The following KPNA7 variants were observed in gnomAD, a reference collection of about 807,000 sequenced individuals.
The protein encoded by KPNA7 is importin subunit alpha-8.
In KPNA7, 54 loss-of-function variants were observed where a neutral mutation model predicts 53.7. The observed-to-expected ratio is 1.01, with a 90% confidence interval of 0.81 to 1.26. The LOEUF (loss-of-function observed/expected upper bound fraction) is 1.26, where lower values mean the gene tolerates loss of function less well. Among genes scored for constraint, KPNA7 ranks in the 50% most tolerant of loss-of-function variants. The pLI is 0.00. For missense variants in KPNA7, 640 were observed against 644.5 expected (o/e 0.99, Z 0.07); for synonymous variants, 276 against 259.3 (o/e 1.06, Z -0.62).
At chr7:99,152,077 G>A in the KPNA7 span, among the ~76,000 whole-genome samples, 11 of 152,054 alleles carry the variant, frequency 7.2e-5, no homozygotes, top group Admixed American at 1.3e-4. Context: ...CCAGCTACTC[G>A]GGAAGCTGAG....
chr7:99,173,582 G>T lies in KPNA7; in HGVS notation c.*126C>A, dbSNP rs747908012. 3 of 599,844 alleles carry T rather than the reference G, an allele frequency of 5.0e-6. No individual in the cohort carries two copies. Among genetic ancestry groups the T allele is most frequent in the Non-Finnish European group, 8.8e-6 (3 of 340,682 alleles). The allele number at this position is 599,844 out of a possible 1,614,324, so 37.2% of individuals were successfully genotyped here. On this transcript the variant is annotated 3_prime_UTR_variant, in exon 11 of 11. Transcript: ENST00000327442. ...TCAGATAGAGAAACGTGAAAGTGTT[G>T]AACATTTTATTAATGTCAAGTTTTA...
At chr7:99,213,275 C>CTA (rs1791122609) in intron 1 of KPNA7, among the ~76,000 whole-genome samples, 2 of 151,444 alleles carry the variant, frequency 1.3e-5, no homozygotes, top group East Asian at 3.9e-4. Context: ...TAAAGGCTCA[C>CTA]ACCACCACAC....
intron 4 of KPNA7, 100 bp from the exon 5 acceptor site, chr7:99,195,438 C>T (rs73401379): frequency 0.078 from 91,586 of 1,166,984 alleles, 3,993 homozygotes; most frequent in South Asian, 0.13. Context: ...CCTGTAATCT[C>T]AGCACTTTGG....
Position 99,218,622 on chromosome 7 carries a change from T to G in KPNA7, c.-23-11133A>C, listed in dbSNP as rs562837056. 3.3e-5 allele frequency among the ~76,000 whole-genome samples: 5 copies of G among 152,272 alleles called. No homozygotes were observed. The East Asian group carries it at 9.7e-4, about 29-fold the overall frequency. ...CCCTGCACCTACCACTTCCTCCTTA[T>G]CCACCCTCAAAAACAAGCCAAAGAC... On this transcript the variant is annotated intron_variant, in intron 1 of 10. Coordinates refer to the KPNA7 transcript ENST00000681060.
chr7:99,200,175 T>G (rs1790438678), intron 3 of KPNA7, among the ~76,000 whole-genome samples: 1 of 152,184 alleles, frequency 6.6e-6, no homozygotes, highest in African/African-American at 2.4e-5. Flanking sequence ...TATGCTGGGA[T>G]TATAGGCATG....
chr7:99,181,876 G>A lies in KPNA7; in HGVS notation c.1317+7C>T, dbSNP rs199885456. 9.4e-4 allele frequency: 1,440 copies of A among 1,533,222 alleles called. 1 individual carries two copies. The highest frequency in any genetic ancestry group is 1.2e-3 in the Non-Finnish European group (1,403 of 1,134,086). The allele number at this position is 1,533,222 out of a possible 1,614,324, so 95.0% of individuals were successfully genotyped here. The stretch of plus-strand genomic sequence containing the variant: ...ATTTACAAACCAACCTGTTCAGAAC[G>A]GCTCACCTGGAGGATGCAAGAGATG... On this transcript the variant is annotated splice_region_variant and intron_variant, in intron 9 of 10. Coordinates refer to ENST00000327442, the MANE Select transcript of KPNA7 (RefSeq NM_001145715.3).
At chr7:99,197,325 C>T (rs1790278615) in intron 3 of KPNA7, among the ~76,000 whole-genome samples, 1 of 152,214 alleles carries the variant, frequency 6.6e-6, no homozygotes, top group South Asian at 2.1e-4. Flanking sequence ...TTAGCTCAAA[C>T]TACTAAACGA....
chr7:99,187,790 CTT>C (rs763348086), intron 7 of KPNA7, among the ~76,000 whole-genome samples: 972 of 4,414 alleles, frequency 0.22, 24 homozygotes, highest in East Asian at 0.4. Context: ...CGTGCCCGGC[CTT>C]TTTTTTTAAA....
the KPNA7 span, among the ~76,000 whole-genome samples, chr7:99,148,515 C>CT: frequency 6.6e-6 from 1 of 152,308 alleles, no homozygotes; most frequent in Admixed American, 6.5e-5. Context: ...AAATTTGCCT[C>CT]TGATTTCAGT....
chr7:99,204,333 C>T (rs1048114796), intron 2 of KPNA7, among the ~76,000 whole-genome samples: 1 of 151,936 alleles, frequency 6.6e-6, no homozygotes, highest in African/African-American at 2.4e-5. Context: ...GATTGTACCA[C>T]TGCACTCCAG....
At position 99,173,814 on chromosome 7, in the gene KPNA7, CTG is replaced by C; in HGVS notation, c.1465-22_1465-21del. 1 of 1,380,520 alleles carries C rather than the reference CTG, an allele frequency of 7.2e-7. No homozygotes were observed. Among genetic ancestry groups the C allele is most frequent in the Non-Finnish European group, 1.0e-6 (1 of 992,976 alleles). 85.5% of individuals were successfully genotyped at this position (1,380,520 alleles called of 1,614,324 possible). A position where few individuals can be genotyped will look rare whatever the true frequency, so the allele number is the denominator to read the frequency against. ...TTCTTCCTTCAGGAGAGAATAGACA[CTG>C]TTATACCTCCAGGATTCTCAGCACA... On this transcript the variant is annotated intron_variant, in intron 10 of 10. Coordinates refer to ENST00000327442, the MANE Select transcript of KPNA7 (RefSeq NM_001145715.3).
chr7:99,170,270 T>A (rs1490174298), downstream of KPNA7, among the ~76,000 whole-genome samples: 1 of 151,648 alleles, frequency 6.6e-6, no homozygotes, highest in African/African-American at 2.4e-5. Context: ...CAAAGCTAGG[T>A]CGATAGCACA....
the KPNA7 span, among the ~76,000 whole-genome samples, chr7:99,162,188 G>T: frequency 6.6e-6 from 1 of 152,002 alleles, no homozygotes; most frequent in African/African-American, 2.4e-5. Context: ...GGGATTACAG[G>T]CATGTGCCAC....
chr7:99,187,903 C>T (rs1454244324), intron 7 of KPNA7, among the ~76,000 whole-genome samples: 2 of 147,648 alleles, frequency 1.4e-5, no homozygotes, highest in Non-Finnish European at 3.0e-5. Context: ...TGGGCAGGCA[C>T]AGTGGCTCAC....
the KPNA7 span, among the ~76,000 whole-genome samples, chr7:99,151,458 GTTT>G: frequency 2.0e-5 from 3 of 147,362 alleles, no homozygotes; most frequent in Non-Finnish European, 4.5e-5. Context: ...TTTGTTTTTG[GTTT>G]TTTTTTTGAG....
chr7:99,196,130 T>TCA lies in KPNA7; in HGVS notation c.236_237dup (p.Asn80Ter). On this transcript the variant is annotated frameshift_variant, in exon 4 of 11. Transcript: ENST00000327442. LOFTEE classifies it high-confidence loss of function. ...AAACATAGGACTGGATCTGAGCTAT[T>TCA]CACACCTTTGATTATTTCACCCAGA... is the stretch of plus-strand genomic sequence containing the variant. 1 of 1,551,798 alleles carries TCA rather than the reference T, an allele frequency of 6.4e-7. No individual in the cohort carries two copies. The highest frequency in any genetic ancestry group is 8.7e-7 in the Non-Finnish European group (1 of 1,146,980).
intron 3 of KPNA7, among the ~76,000 whole-genome samples, chr7:99,198,556 AC>A (rs1790346688): frequency 6.6e-6 from 1 of 152,182 alleles, no homozygotes; most frequent in African/African-American, 2.4e-5. Flanking sequence ...TGCAGAAAAA[AC>A]ATTTAATGAA....
the KPNA7 span, among the ~76,000 whole-genome samples, chr7:99,165,440 G>A: frequency 0.011 from 1,712 of 152,154 alleles, 35 homozygotes; most frequent in African/African-American, 0.039. Context: ...ACAGCCCCTC[G>A]AGGAGCACCC....
chr7:99,182,211 C>G, intron 8 of KPNA7, 146 bp from the exon 9 acceptor site: 1 of 585,482 alleles, frequency 1.7e-6, no homozygotes, highest in Non-Finnish European at 2.9e-6. Context: ...CTGCCTCTAG[C>G]TCTTTCTTTC....
Sources: allele counts gnomAD v4.1 joint callset (sites outside exome capture counted in the v4.1 genomes callset), GRCh38; gene constraint gnomAD v4.1.1; transcripts MANE v1.5; gene names NCBI Gene and HGNC (gene_info 2026-07-23, HGNC 2026-07-21).